ADAMTSL1: variants seen among roughly 807,000 people sequenced by gnomAD.
ADAMTSL1 encodes the protein ADAMTS like 1, also known as ADAMTS-like protein 1.
Under a neutral mutation model 201.8 loss-of-function variants are expected in ADAMTSL1, and 126 were observed. The ratio of observed to expected loss-of-function variants is 0.62; its 90% CI spans 0.54 to 0.72. ADAMTSL1 has a LOEUF of 0.72. Among genes scored for constraint, ADAMTSL1 ranks in the 30% least tolerant of loss-of-function variants. The probability of loss-of-function intolerance (pLI) is 0.00; values close to 1 mark genes in which losing one functional copy is unlikely to be tolerated. For synonymous variants in ADAMTSL1, 1,121 were observed against 903.4 expected (o/e 1.24, Z -4.32); for missense variants, 2,679 against 2,277.8 (o/e 1.18, Z -3.59).
At chr9:17,932,709 C>T (rs891830800) in intron 1 of ADAMTSL1, among the ~76,000 whole-genome samples, 7 of 152,098 alleles carry the variant, frequency 4.6e-5, no homozygotes, top group East Asian at 1.9e-4. Flanking sequence ...TTAGTGCAGG[C>T]TATCCTGGAA....
At chr9:18,246,656 A>G (rs1302573515) in intron 2 of ADAMTSL1, among the ~76,000 whole-genome samples, 1 of 152,214 alleles carries the variant, frequency 6.6e-6, no homozygotes, top group African/African-American at 2.4e-5. Flanking sequence ...AGAAAAATTA[A>G]ATTACTCACC....
At chr9:18,379,614 C>A (rs7859508) in intron 2 of ADAMTSL1, among the ~76,000 whole-genome samples, 1 of 151,966 alleles carries the variant, frequency 6.6e-6, no homozygotes. Context: ...CATGGATAGC[C>A]TGGGAGAGGA....
At chr9:18,686,135 G>A (rs1464927473) in intron 13 of ADAMTSL1, among the ~76,000 whole-genome samples, 1 of 152,086 alleles carries the variant, frequency 6.6e-6, no homozygotes, top group Non-Finnish European at 1.5e-5. Flanking sequence ...TTCCCAGGCT[G>A]GTCTCAAACT....
chr9:18,710,757 T>C (rs780049919), intron 14 of ADAMTSL1, among the ~76,000 whole-genome samples: 22 of 148,308 alleles, frequency 1.5e-4, no homozygotes, highest in Non-Finnish European at 3.0e-4. Flanking sequence ...AGTTGTAACA[T>C]TGGGTTGGTC....
chr9:18,442,065 C>T (rs1032323342), intron 2 of ADAMTSL1, among the ~76,000 whole-genome samples: 9 of 152,134 alleles, frequency 5.9e-5, no homozygotes, highest in Admixed American at 5.2e-4. Context: ...GAGCAGGTGG[C>T]TTTTTGTTAT....
intron 2 of ADAMTSL1, among the ~76,000 whole-genome samples, chr9:18,394,232 G>T (rs867532297): frequency 3.3e-5 from 5 of 152,248 alleles, no homozygotes; most frequent in Middle Eastern, 3.4e-3. Flanking sequence ...ATTAGCGGGG[G>T]ATTGCATTGT....
At chr9:18,132,137 C>T (rs1412048586) in intron 1 of ADAMTSL1, among the ~76,000 whole-genome samples, 1 of 152,110 alleles carries the variant, frequency 6.6e-6, no homozygotes, top group African/African-American at 2.4e-5. Context: ...TCATTTTCCC[C>T]CACCAAACAA....
In ADAMTSL1 at chr9:18,565,140, A is replaced by G. The variant is rs111918200; in HGVS notation, c.238-8890A>G. On this transcript the variant is annotated intron_variant, in intron 3 of 28. Transcript: ENST00000380548. ...TAATAGAGCAAGGAAGGTGGGATTGATGATTCATTATATCACACATTTCAT... is the reference window on the plus strand; with the variant it reads ...TAATAGAGCAAGGAAGGTGGGATTGGTGATTCATTATATCACACATTTCAT... 3.8e-3 allele frequency among the ~76,000 whole-genome samples: 585 copies of G among 152,354 alleles called. 5 individuals are homozygous for G. Among genetic ancestry groups the G allele is most frequent in the African/African-American group, 0.013 (538 of 41,582 alleles).
chr9:18,654,705 G>C (rs1274591988), intron 7 of ADAMTSL1, among the ~76,000 whole-genome samples: 1 of 152,222 alleles, frequency 6.6e-6, no homozygotes, highest in Non-Finnish European at 1.5e-5. Flanking sequence ...AGCAGTTCCT[G>C]AGGATACAGT....
At chr9:18,844,730 G>A (rs112674873) in intron 23 of ADAMTSL1, among the ~76,000 whole-genome samples, 4,554 of 152,330 alleles carry the variant, frequency 0.03, 220 homozygotes, top group African/African-American at 0.1. Flanking sequence ...ACCTAAGCAA[G>A]CCTGGGCAAT....
chr9:18,435,195 A>G (rs1819672328), intron 2 of ADAMTSL1, among the ~76,000 whole-genome samples: 1 of 152,238 alleles, frequency 6.6e-6, no homozygotes, highest in Non-Finnish European at 1.5e-5. Context: ...TTGAGTGCCT[A>G]TTGTACAAGG....
At chr9:18,130,728 A>T (rs1355103366) in intron 1 of ADAMTSL1, among the ~76,000 whole-genome samples, 1 of 152,194 alleles carries the variant, frequency 6.6e-6, no homozygotes, top group Admixed American at 6.5e-5. Flanking sequence ...CACCAGACAC[A>T]TAGGGAACTT....
At chr9:17,908,356 G>C (rs1825803203) in intron 1 of ADAMTSL1, among the ~76,000 whole-genome samples, 1 of 152,230 alleles carries the variant, frequency 6.6e-6, no homozygotes, top group African/African-American at 2.4e-5. Flanking sequence ...GAATCCTGGA[G>C]GGAGAGGGGA....
chr9:18,860,019 G>T (rs1037682247), intron 23 of ADAMTSL1, among the ~76,000 whole-genome samples: 1 of 152,182 alleles, frequency 6.6e-6, no homozygotes, highest in South Asian at 2.1e-4. Flanking sequence ...TGATGTGTGT[G>T]CATATGTGTG....
chr9:18,510,138 C>T (rs1190193638), intron 2 of ADAMTSL1, among the ~76,000 whole-genome samples: 1 of 152,170 alleles, frequency 6.6e-6, no homozygotes, highest in Non-Finnish European at 1.5e-5. Flanking sequence ...TTAGAGCACT[C>T]TCAGGTCTGA....
intron 2 of ADAMTSL1, among the ~76,000 whole-genome samples, chr9:18,451,656 C>T (rs1359848952): frequency 6.6e-6 from 1 of 152,248 alleles, no homozygotes; most frequent in Admixed American, 6.5e-5. Flanking sequence ...TTTACTCTAT[C>T]TGAACTCGTT....
intron 2 of ADAMTSL1, among the ~76,000 whole-genome samples, chr9:18,262,128 C>T (rs558328617): frequency 6.6e-6 from 1 of 152,244 alleles, no homozygotes; most frequent in South Asian, 2.1e-4. Flanking sequence ...GCAAACCCTA[C>T]GACTTCATTT....
chr9:17,992,803 G>A (rs1266813532), intron 1 of ADAMTSL1, among the ~76,000 whole-genome samples: 2 of 152,142 alleles, frequency 1.3e-5, no homozygotes, highest in Non-Finnish European at 2.9e-5. Flanking sequence ...AGAAAACTGA[G>A]AGGTCATACA....
intron 1 of ADAMTSL1, among the ~76,000 whole-genome samples, chr9:18,081,561 G>A (rs1465200612): frequency 6.6e-6 from 1 of 152,096 alleles, no homozygotes; most frequent in Non-Finnish European, 1.5e-5. Context: ...CACTCGAGCT[G>A]AATGACACAT....
Sources: gnomAD v4.1 joint callset for allele counts (sites outside exome capture counted in the v4.1 genomes callset) on GRCh38, gnomAD v4.1.1 for gene constraint, MANE v1.5 for transcripts, NCBI Gene and HGNC (gene_info 2026-07-23, HGNC 2026-07-21) for gene names.